Variants in SLC39A14 observed in about 807,000 individuals in gnomAD.
SLC39A14 encodes metal cation symporter ZIP14.
SLC39A14 carries 19 observed loss-of-function variants against 45.5 expected under a neutral mutation model. The observed-to-expected ratio is 0.42, with a 90% CI of 0.29 to 0.61. SLC39A14 has a LOEUF of 0.61. SLC39A14 is among the 20% of genes least tolerant of loss of function. SLC39A14 has a pLI of 0.22. For synonymous variants in SLC39A14, 264 were observed against 251.3 expected (o/e 1.05, Z -0.48); for missense variants, 447 against 616.5 (o/e 0.73, Z 2.91).
chr8:22,389,340 A>G (rs186222089), intron 1 of SLC39A14, among the ~76,000 whole-genome samples: 23 of 152,230 alleles, frequency 1.5e-4, no homozygotes, highest in African/African-American at 5.5e-4. Flanking sequence ...ATTACCACAC[A>G]AGACTCTGCA....
At chr8:22,373,029 C>T (rs1249705700) in intron 1 of SLC39A14, among the ~76,000 whole-genome samples, 4 of 151,938 alleles carry the variant, frequency 2.6e-5, no homozygotes, top group East Asian at 1.9e-4. Context: ...GTTGGGAGGC[C>T]GAGCTGGGCA....
rs190187945 is a variant in SLC39A14, at chr8:22,374,612, G to A, written c.-16+7204G>A. Among the ~76,000 whole-genome samples the A allele has an allele frequency of 3.3e-3, 503 of 152,138 alleles. 1 individual carries two copies. The highest frequency in any genetic ancestry group is 5.5e-3 in the Non-Finnish European group (377 of 68,000). On this transcript the variant is annotated intron_variant, in intron 1 of 8. Transcript: ENST00000381237. ...GCAAGTGAGGTAGCTGGAAATGTAC[G>A]TTGGGTCTAGGAGTCTTGAATGGCT...
At chr8:22,393,369 C>A in intron 1 of SLC39A14, 1 of 343,614 alleles carries the variant, frequency 2.9e-6, no homozygotes, top group Non-Finnish European at 4.1e-6. Context: ...AGGTGTCAGC[C>A]TAGGTCAGCT....
intron 2 of SLC39A14, 91 bp from the exon 3 acceptor site, chr8:22,408,219 T>G: frequency 8.6e-7 from 1 of 1,167,874 alleles, no homozygotes; most frequent in Non-Finnish European, 1.2e-6. Flanking sequence ...TCTTCTCTTT[T>G]TCCTCTGGGA....
intron 3 of SLC39A14, among the ~76,000 whole-genome samples, chr8:22,409,439 G>A (rs1835434795): frequency 6.6e-6 from 1 of 151,958 alleles, no homozygotes; most frequent in Non-Finnish European, 1.5e-5. Context: ...CTGAAGTGCG[G>A]TGGTGCAATC....
At chr8:22,408,282 G>A in intron 2 of SLC39A14, 28 bp from the exon 3 acceptor site, 6 of 1,604,366 alleles carry the variant, frequency 3.7e-6, no homozygotes, top group African/African-American at 1.3e-5. Flanking sequence ...TGGGGTCTAA[G>A]CGGCTTCCTG....
intron 1 of SLC39A14, among the ~76,000 whole-genome samples, chr8:22,381,215 G>A (rs796603059): frequency 2.0e-5 from 3 of 152,020 alleles, no homozygotes; most frequent in South Asian, 2.1e-4. Flanking sequence ...CTCGTGATCT[G>A]CCCGCCTCGG....
Position 22,389,688 on chromosome 8 carries a change from G to C in SLC39A14, c.-15-15008G>C, listed in dbSNP as rs144319573. 9.0e-3 allele frequency among the ~76,000 whole-genome samples: 1,364 copies of C among 152,276 alleles called. 11 individuals carry two copies. Among genetic ancestry groups the C allele is most frequent in the Middle Eastern group, 0.027 (8 of 294 alleles). On this transcript the variant is annotated intron_variant, in intron 1 of 8. Coordinates refer to ENST00000381237, the MANE Select transcript of SLC39A14 (RefSeq NM_001128431.4). Reference sequence around the variant, plus strand: ...CGGGGTGGCGAGGTGAGAGGCTTAGGGGGGCTATCAGTCATTTTGAGAGGT... The same window carrying C: ...CGGGGTGGCGAGGTGAGAGGCTTAGCGGGGCTATCAGTCATTTTGAGAGGT...
Position 22,381,420 on chromosome 8 carries a change from G to T in SLC39A14, c.-16+14012G>T, listed in dbSNP as rs560304324. 4.6e-5 allele frequency among the ~76,000 whole-genome samples: 7 copies of T among 152,004 alleles called. No individual in the cohort carries two copies. The South Asian group carries it at 1.2e-3, about 27-fold the overall frequency. The stretch of plus-strand genomic sequence containing the variant: ...CAAGTAGCTGGGAATATAGGCGCCC[G>T]CCACCAGGCCTGGCTAATGTTTTGT... On this transcript the variant is annotated intron_variant, in intron 1 of 8. Coordinates refer to ENST00000381237, the MANE Select transcript of SLC39A14 (RefSeq NM_001128431.4).
At chr8:22,385,471 C>T (rs924393825) in intron 1 of SLC39A14, among the ~76,000 whole-genome samples, 3 of 152,144 alleles carry the variant, frequency 2.0e-5, no homozygotes, top group South Asian at 2.1e-4. Context: ...ATTGAAGAGG[C>T]GACGCTTGAA....
At chr8:22,416,736 A>G (rs1192957586) in intron 7 of SLC39A14, among the ~76,000 whole-genome samples, 1 of 152,032 alleles carries the variant, frequency 6.6e-6, no homozygotes, top group Non-Finnish European at 1.5e-5. Flanking sequence ...AACGTGGCCT[A>G]ACCACCATTT....
chr8:22,377,504 T>G (rs73542002), intron 1 of SLC39A14, among the ~76,000 whole-genome samples: 9,166 of 152,240 alleles, frequency 0.06, 692 homozygotes, highest in African/African-American at 0.18. Context: ...AGGAAACAGA[T>G]AATTCAGCAC....
At chr8:22,400,303 G>A (rs1024259169) in intron 1 of SLC39A14, among the ~76,000 whole-genome samples, 2 of 152,206 alleles carry the variant, frequency 1.3e-5, no homozygotes, top group African/African-American at 4.8e-5. Context: ...CTGTTACGTG[G>A]AGTAAGTTTC....
chr8:22,429,925 G>A (rs1185473291), intron 8 of SLC39A14, among the ~76,000 whole-genome samples: 2 of 152,240 alleles, frequency 1.3e-5, no homozygotes, highest in Non-Finnish European at 2.9e-5. Flanking sequence ...TCTGAGTTGA[G>A]CTTTGTGACT....
Position 22,422,582 on chromosome 8 carries a change from AG to A in SLC39A14, c.*2886del. On this transcript the variant is annotated 3_prime_UTR_variant, in exon 9 of 9. Transcript: ENST00000381237. ...ATCACAGTATTTTTTTAAATAACTC[AG>A]GTGTATGAGAAGAAATTAGAAAAGA... is the stretch of plus-strand genomic sequence containing the variant. 2 of 984,296 alleles carry A rather than the reference AG, an allele frequency of 2.0e-6. No individual in the cohort carries two copies. Among genetic ancestry groups the A allele is most frequent in the Non-Finnish European group, 2.4e-6 (2 of 828,606 alleles). 61.0% of individuals were successfully genotyped at this position (984,296 alleles called of 1,614,324 possible). A position where few individuals can be genotyped will look rare whatever the true frequency, so the allele number is the denominator to read the frequency against.
At chr8:22,398,064 T>A (rs1403358961) in intron 1 of SLC39A14, among the ~76,000 whole-genome samples, 1 of 151,966 alleles carries the variant, frequency 6.6e-6, no homozygotes, top group African/African-American at 2.4e-5. Flanking sequence ...TGCGGGGACG[T>A]CTTAGGATGA....
In SLC39A14 at chr8:22,412,176, C is replaced by T; in HGVS notation, c.597C>T (p.Tyr199=). ...YFIALAIGTL[Y]SNALFQLIPE... is the part of the protein sequence containing the mutation. ...TAGCTCTGGCGATTGGAACCCTCTACTCCAACGCCCTCTTCCAGCTCATCC... is the reference window on the plus strand; with the variant it reads ...TAGCTCTGGCGATTGGAACCCTCTATTCCAACGCCCTCTTCCAGCTCATCC... The change falls in exon 4 of 9, where the codon TAC becomes TAT. Residue 199 remains tyrosine (Y), a synonymous_variant. Transcript: ENST00000381237. 1.3e-6 allele frequency: 2 copies of T among 1,551,744 alleles called. No homozygotes were observed. Among genetic ancestry groups the T allele is most frequent in the Non-Finnish European group, 1.7e-6 (2 of 1,146,998 alleles).
intron 7 of SLC39A14, 97 bp downstream of exon 7, chr8:22,416,377 C>A: frequency 1.0e-6 from 1 of 1,004,736 alleles, no homozygotes; most frequent in Non-Finnish European, 1.5e-6. Flanking sequence ...CCTGTCTTCA[C>A]AGTGCTTATT....
At position 22,370,163 on chromosome 8, in the gene SLC39A14, T is replaced by TGC. The variant is rs1453150832; in HGVS notation, c.-16+2756_-16+2757dup. Among the ~76,000 whole-genome samples, 21 of 152,104 alleles carry TGC rather than the reference T, an allele frequency of 1.4e-4. No individual in the cohort carries two copies. The East Asian group carries it at 4.0e-3, about 29-fold the overall frequency. ...GTGGGTGTGTGCTTGTGTGTGTGTG[T>TGC]GCACATCTGTGCACATGTGCGTGTG... On this transcript the variant is annotated intron_variant, in intron 1 of 8. Coordinates refer to ENST00000381237, the MANE Select transcript of SLC39A14 (RefSeq NM_001128431.4).
Sources: allele counts gnomAD v4.1 joint callset (sites outside exome capture counted in the v4.1 genomes callset), GRCh38; gene constraint gnomAD v4.1.1; transcripts MANE v1.5; gene names NCBI Gene and HGNC (gene_info 2026-07-23, HGNC 2026-07-21).